The following UNC13B variants were observed in gnomAD, a reference collection of about 807,000 sequenced individuals.
The protein encoded by UNC13B is protein unc-13 homolog B.
UNC13B carries 144 observed loss-of-function variants against 211.0 expected under a neutral mutation model. The observed-to-expected ratio is 0.68, with a 90% CI of 0.60 to 0.78. The LOEUF is 0.78. Among genes scored for constraint, UNC13B ranks in the 30% least tolerant of loss-of-function variants. UNC13B has a pLI of 0.00. For synonymous variants in UNC13B, 709 were observed against 725.8 expected (o/e 0.98, Z 0.37); for missense variants, 1,777 against 2,002.0 (o/e 0.89, Z 2.14).
intron 5 of UNC13B, among the ~76,000 whole-genome samples, chr9:35,238,956 A>G (rs891165925): frequency 1.4e-5 from 2 of 147,556 alleles, no homozygotes; most frequent in African/African-American, 5.0e-5. Flanking sequence ...ATAACTCTGT[A>G]TATCTTTGCC....
intron 1 of UNC13B, among the ~76,000 whole-genome samples, chr9:35,187,691 G>A (rs1300288363): frequency 1.3e-5 from 2 of 152,190 alleles, no homozygotes; most frequent in African/African-American, 4.8e-5. Flanking sequence ...AAACCTCTTA[G>A]AGCTGAACCC....
intron 11 of UNC13B, among the ~76,000 whole-genome samples, chr9:35,320,247 A>T (rs558709690): frequency 6.6e-6 from 1 of 152,306 alleles, no homozygotes; most frequent in Non-Finnish European, 1.5e-5. Flanking sequence ...TCTTTTCATT[A>T]TATACCCAGT....
At chr9:35,277,491 T>A (rs4879887) in intron 7 of UNC13B, among the ~76,000 whole-genome samples, 27,286 of 152,176 alleles carry the variant, frequency 0.18, 2,826 homozygotes, top group Non-Finnish European at 0.24. Flanking sequence ...ATACTTTTCC[T>A]AATTTTTCCT....
rs536968252 is a variant in UNC13B, at chr9:35,393,333, C to T, written c.11308+2619C>T. On this transcript the variant is annotated intron_variant, in intron 26 of 39. Transcript: ENST00000635942. ...AACCTGAAGGGTAATAAGATTTAGC[C>T]AGGAGGGTGGTAGTGACAAGAAAGG... 5.9e-5 allele frequency among the ~76,000 whole-genome samples: 9 copies of T among 152,082 alleles called. No individual in the cohort carries two copies. In the South Asian group the frequency reaches 1.9e-3, roughly 32 times the overall value.
At chr9:35,388,133 C>G (rs577467452) in intron 24 of UNC13B, among the ~76,000 whole-genome samples, 1 of 151,986 alleles carries the variant, frequency 6.6e-6, no homozygotes, top group Admixed American at 6.6e-5. Context: ...GCAGGCCGGG[C>G]GCAATGGCTC....
chr9:35,192,674 A>G (rs1822722629), intron 1 of UNC13B, among the ~76,000 whole-genome samples: 1 of 152,236 alleles, frequency 6.6e-6, no homozygotes, highest in South Asian at 2.1e-4. Flanking sequence ...CCTGCCTGAT[A>G]TGACTACTAA....
intron 30 of UNC13B, 70 bp downstream of exon 30, chr9:35,397,782 T>C (rs1050739245): frequency 7.1e-6 from 11 of 1,545,860 alleles, no homozygotes; most frequent in Non-Finnish European, 2.7e-6. Flanking sequence ...TTTGAAGCTG[T>C]CCTCAGAATT....
chr9:35,341,944 A>C (rs551263901), intron 11 of UNC13B: 3 of 985,572 alleles, frequency 3.0e-6, no homozygotes, highest in East Asian at 2.3e-4. Flanking sequence ...ATCCAGTTGA[A>C]GTTTGGCTGC....
rs1564177355 is a variant in UNC13B at position 35,376,073 on chromosome 9, A to G, written c.9661A>G (p.Ile3221Val). Residue 3221 changes from isoleucine to valine, a missense_variant, in exon 15 of 40, where the codon ATT becomes GTT. Ile to Val is a conservative substitution (Grantham distance 29). Transcript: ENST00000635942. ...KKTLQALIYP[I>V]SCTTPHNFEV... The stretch of plus-strand genomic sequence containing the variant: ...AACCCTGCAGGCCTTAATCTACCCC[A>G]TTTCGTGCACCACTCCTCATAACTT... 2 of 1,614,258 alleles carry G rather than the reference A, an allele frequency of 1.2e-6. No individual in the cohort carries two copies. The highest frequency in any genetic ancestry group is 1.7e-6 in the Non-Finnish European group (2 of 1,180,050).
At chr9:35,175,388 G>A (rs934469736) in intron 1 of UNC13B, among the ~76,000 whole-genome samples, 2 of 152,158 alleles carry the variant, frequency 1.3e-5, no homozygotes, top group Admixed American at 6.5e-5. Flanking sequence ...TGATGCTGCC[G>A]CCAAGGAACT....
chr9:35,272,484 C>T lies in UNC13B; in HGVS notation c.526+13434C>T, dbSNP rs553279375. Among the ~76,000 whole-genome samples, 96 of 152,224 alleles carry T rather than the reference C, an allele frequency of 6.3e-4. 1 individual carries two copies. Among genetic ancestry groups the T allele is most frequent in the African/African-American group, 2.1e-3 (88 of 41,550 alleles). On this transcript the variant is annotated intron_variant, in intron 7 of 39. Coordinates refer to ENST00000635942, the MANE Select transcript of UNC13B (RefSeq NM_001371189.2). ...TGTTGGCCAGGCTGGCCTCGAACTC[C>T]TGACCTCAAGTGATCTACCCACCTC...
intron 8 of UNC13B, among the ~76,000 whole-genome samples, chr9:35,299,018 G>A (rs1829539451): frequency 6.6e-6 from 1 of 152,170 alleles, no homozygotes; most frequent in South Asian, 2.1e-4. Flanking sequence ...GATCACCTGA[G>A]GTCAGGAGTT....
Position 35,399,225 on chromosome 9 carries a change from C to T in UNC13B, c.12139C>T (p.Arg4047Cys), listed in dbSNP as rs772943628. Residue 4047 changes from arginine to cysteine, a missense_variant, in exon 34 of 40, where the codon CGC becomes TGC. Transcript: ENST00000635942. ...VLKRVLKELWRVVMNTMERMI... is the reference protein window; with the variant it reads ...VLKRVLKELWCVVMNTMERMI... ...GAAGCGTGTACTGAAGGAGCTCTGGCGCGTGGTGATGAACACAATGGAGAG... is the reference window on the plus strand; with the variant it reads ...GAAGCGTGTACTGAAGGAGCTCTGGTGCGTGGTGATGAACACAATGGAGAG... 5.1e-5 allele frequency: 82 copies of T among 1,613,996 alleles called. No homozygotes were observed. Among genetic ancestry groups the T allele is most frequent in the East Asian group, 6.7e-5 (3 of 44,892 alleles).
chr9:35,259,973 A>G (rs1431170339), intron 7 of UNC13B, among the ~76,000 whole-genome samples: 2 of 139,736 alleles, frequency 1.4e-5, no homozygotes, highest in African/African-American at 5.3e-5. Context: ...AGGCTGAGGC[A>G]GGAGGATTTC....
At chr9:35,343,644 G>T (rs1476509529) in intron 11 of UNC13B, among the ~76,000 whole-genome samples, 1 of 152,150 alleles carries the variant, frequency 6.6e-6, no homozygotes, top group Non-Finnish European at 1.5e-5. Flanking sequence ...ATGAGTGAAA[G>T]AACGTAACAT....
At chr9:35,396,997 G>T in intron 28 of UNC13B, 60 bp downstream of exon 28, 1 of 1,609,106 alleles carries the variant, frequency 6.2e-7, no homozygotes. Context: ...ATTAGCTATT[G>T]GCAGAAGTTC....
intron 11 of UNC13B, among the ~76,000 whole-genome samples, chr9:35,342,660 G>A (rs768409482): frequency 2.6e-5 from 4 of 151,992 alleles, no homozygotes; most frequent in African/African-American, 4.8e-5. Flanking sequence ...TTTTTCATGT[G>A]TCCATATGTG....
At chr9:35,382,655 T>G in intron 21 of UNC13B, 148 bp downstream of exon 21, 1 of 929,782 alleles carries the variant, frequency 1.1e-6, no homozygotes, top group Non-Finnish European at 1.6e-6. Flanking sequence ...TTCTACCTCC[T>G]GGGTTCAAGC....
At chr9:35,366,774 C>T (rs1833795839) in intron 11 of UNC13B, among the ~76,000 whole-genome samples, 173 bp from the exon 12 acceptor site, 1 of 152,128 alleles carries the variant, frequency 6.6e-6, no homozygotes, top group South Asian at 2.1e-4. Flanking sequence ...TTTCAGCAGC[C>T]TGCTTGTTGC....
Sources: gnomAD v4.1 joint callset for allele counts (sites outside exome capture counted in the v4.1 genomes callset) on GRCh38, gnomAD v4.1.1 for gene constraint, MANE v1.5 for transcripts, NCBI Gene and HGNC (gene_info 2026-07-23, HGNC 2026-07-21) for gene names.